LTBP1: variants seen among roughly 807,000 people sequenced by gnomAD.
LTBP1 encodes the protein latent transforming growth factor beta binding protein 1.
In LTBP1, 129 loss-of-function variants were observed where a neutral mutation model predicts 207.6. The observed-to-expected ratio is 0.62, with a 90% confidence interval of 0.54 to 0.72. The LOEUF (loss-of-function observed/expected upper bound fraction) is 0.72. Ranked by LOEUF, LTBP1 falls within the 30% of genes least tolerant of loss-of-function variation. The probability of loss-of-function intolerance (pLI) is 0.00; values close to 1 mark genes in which losing one functional copy is unlikely to be tolerated. For missense variants in LTBP1, 2,281 were observed against 2,217.2 expected, an observed-to-expected ratio of 1.03 and a Z score of -0.58; for synonymous variants, 963 against 833.7, an observed-to-expected ratio of 1.16 and a Z score of -2.67.
chr2:33,014,968 C>T (rs1394856486), intron 2 of LTBP1, among the ~76,000 whole-genome samples: 1 of 150,836 alleles, frequency 6.6e-6, no homozygotes, highest in Non-Finnish European at 1.5e-5. Context: ...CTGAGTTTAT[C>T]GCTGTCTTGG....
chr2:33,172,546 A>T (rs935363971), intron 5 of LTBP1, among the ~76,000 whole-genome samples: 3 of 152,160 alleles, frequency 2.0e-5, no homozygotes, highest in South Asian at 2.1e-4. Flanking sequence ...CTCCCACACA[A>T]TAATAATGGG....
chr2:33,277,760 C>CCTTCCTTTCTTTCTTTCTTT (rs2093459980), intron 18 of LTBP1, among the ~76,000 whole-genome samples: 1 of 95,422 alleles, frequency 1.0e-5, no homozygotes. Context: ...TTTTTTTTTC[C>CCTTCCTTTCTTTCTTTCTTT]CTTTCTTTCT....
intron 5 of LTBP1, among the ~76,000 whole-genome samples, chr2:33,179,290 A>G (rs577438589): frequency 2.6e-5 from 4 of 152,326 alleles, no homozygotes; most frequent in African/African-American, 9.6e-5. Flanking sequence ...CAGGGAAGCC[A>G]AAAGATTGGA....
At chr2:33,341,735 T>TATAC (rs1441675906) in intron 24 of LTBP1, among the ~76,000 whole-genome samples, 1 of 138,674 alleles carries the variant, frequency 7.2e-6, no homozygotes, top group Non-Finnish European at 1.5e-5. Flanking sequence ...AAAAAATATA[T>TATAC]ATATATATAT....
intron 3 of LTBP1, among the ~76,000 whole-genome samples, chr2:33,045,051 C>A (rs1407197049): frequency 2.0e-5 from 3 of 152,076 alleles, no homozygotes; most frequent in Non-Finnish European, 4.4e-5. Context: ...ATTTTTCTCC[C>A]ATTCTGTAGG....
intron 2 of LTBP1, among the ~76,000 whole-genome samples, chr2:32,953,503 C>T (rs1397698981): frequency 1.3e-5 from 2 of 152,192 alleles, no homozygotes; most frequent in South Asian, 2.1e-4. Flanking sequence ...CAGACAACCT[C>T]GGTGAAGAGA....
intron 5 of LTBP1, among the ~76,000 whole-genome samples, chr2:33,182,723 CACACACACACACAGACATAT>C (rs1412710995): frequency 2.2e-5 from 2 of 90,934 alleles, no homozygotes; most frequent in African/African-American, 9.3e-5. Flanking sequence ...CACACACACA[CACACACACACACAGACATAT>C]ATATGTATGT....
chr2:33,123,888 C>G (rs1368846809), intron 4 of LTBP1, among the ~76,000 whole-genome samples: 2 of 151,710 alleles, frequency 1.3e-5, no homozygotes, highest in Non-Finnish European at 2.9e-5. Context: ...AGTTAGGAAC[C>G]AAAAATTGAA....
intron 2 of LTBP1, among the ~76,000 whole-genome samples, chr2:32,982,649 C>G (rs1169458937): frequency 6.6e-6 from 1 of 152,160 alleles, no homozygotes; most frequent in African/African-American, 2.4e-5. Flanking sequence ...AGGCTAAGGA[C>G]TTGGTGCCTT....
At chr2:32,987,550 G>C (rs1187009845) in intron 2 of LTBP1, among the ~76,000 whole-genome samples, 1 of 152,142 alleles carries the variant, frequency 6.6e-6, no homozygotes, top group Non-Finnish European at 1.5e-5. Context: ...CACCCACTTT[G>C]TGATCTTGGG....
At chr2:33,326,405 GA>G (rs1444181047) in intron 24 of LTBP1, among the ~76,000 whole-genome samples, 7 of 152,108 alleles carry the variant, frequency 4.6e-5, no homozygotes, top group Admixed American at 4.6e-4. Flanking sequence ...AAAACTGTTT[GA>G]AACAAACCAC....
At position 33,323,661 on chromosome 2, in the gene LTBP1, G is replaced by C. The variant is rs180807060; in HGVS notation, c.3730+8392G>C. Among the ~76,000 whole-genome samples, 7 of 151,830 alleles carry C rather than the reference G, an allele frequency of 4.6e-5. No individual in the cohort carries two copies. In the East Asian group the frequency reaches 1.2e-3, roughly 25 times the overall value. ...ACAAACAAACAAAAAATCATAAGTGGAACTATCCTAATTTGGAGACCATCT... is the reference window on the plus strand; with the variant it reads ...ACAAACAAACAAAAAATCATAAGTGCAACTATCCTAATTTGGAGACCATCT... On this transcript the variant is annotated intron_variant, in intron 24 of 33. Transcript: ENST00000404816.
rs537015579 is a variant in LTBP1 at position 33,035,302 on chromosome 2, C to G, written c.863+14096C>G. Among the ~76,000 whole-genome samples the G allele has an allele frequency of 7.7e-4, 117 of 152,310 alleles. No homozygotes were observed. In the Middle Eastern group the frequency reaches 0.014, roughly 18 times the overall value. On this transcript the variant is annotated intron_variant, in intron 3 of 33. Transcript: ENST00000404816. Reference sequence around the variant, plus strand: ...TTTTAATTTAAAAAATTCTAACTGGCTATATACCTTGATATGGAGATGAGA... The same window carrying G: ...TTTTAATTTAAAAAATTCTAACTGGGTATATACCTTGATATGGAGATGAGA...
chr2:33,311,038 A>T (rs555618608), intron 23 of LTBP1, among the ~76,000 whole-genome samples: 3 of 152,154 alleles, frequency 2.0e-5, no homozygotes, highest in South Asian at 4.1e-4. Context: ...TGATTTTTTT[A>T]AAATTCTGGA....
intron 31 of LTBP1, among the ~76,000 whole-genome samples, chr2:33,383,876 T>G (rs1474364990): frequency 1.3e-5 from 2 of 152,260 alleles, no homozygotes; most frequent in African/African-American, 2.4e-5. Flanking sequence ...TGGTCCTTGT[T>G]TCTCTTATAT....
intron 3 of LTBP1, among the ~76,000 whole-genome samples, chr2:33,053,618 C>T (rs192134266): frequency 7.2e-5 from 11 of 151,858 alleles, no homozygotes; most frequent in Admixed American, 2.0e-4. Context: ...GATCCATAGT[C>T]GGCAAAAGCC....
intron 9 of LTBP1, among the ~76,000 whole-genome samples, chr2:33,224,893 A>G (rs992945237): frequency 2.6e-5 from 4 of 152,076 alleles, no homozygotes; most frequent in East Asian, 1.9e-4. Context: ...ACATTTGTCT[A>G]TTTCACTAAT....
chr2:32,990,267 C>G (rs773800564), intron 2 of LTBP1, among the ~76,000 whole-genome samples: 1 of 152,218 alleles, frequency 6.6e-6, no homozygotes, highest in African/African-American at 2.4e-5. Flanking sequence ...TACTGGATAT[C>G]GTCATGGTCT....
At chr2:33,336,549 T>C (rs2094555502) in intron 24 of LTBP1, among the ~76,000 whole-genome samples, 1 of 152,226 alleles carries the variant, frequency 6.6e-6, no homozygotes, top group South Asian at 2.1e-4. Flanking sequence ...CTAAAAATGT[T>C]CTAAGACAGG....
Sources: allele counts gnomAD v4.1 joint callset (sites outside exome capture counted in the v4.1 genomes callset), GRCh38; gene constraint gnomAD v4.1.1; transcripts MANE v1.5; gene names NCBI Gene and HGNC (gene_info 2026-07-23, HGNC 2026-07-21).